PDP1: variants seen among roughly 807,000 people sequenced by gnomAD.
The protein encoded by PDP1 is pyruvate dehydrogenase phosphatase catalytic subunit 1.
A neutral mutation model predicts 37.1 loss-of-function variants in PDP1; 14 were observed. The ratio of observed to expected loss-of-function variants is 0.38; its 90% CI spans 0.25 to 0.59. PDP1 has a LOEUF of 0.59. PDP1 is among the 20% of genes least tolerant of loss of function. The probability of loss-of-function intolerance (pLI) is 0.67; values close to 1 mark genes in which losing one functional copy is unlikely to be tolerated. For missense variants in PDP1, 544 were observed against 655.3 expected, an observed-to-expected ratio of 0.83 and a Z score of 1.85; for synonymous variants, 251 against 243.3, an observed-to-expected ratio of 1.03 and a Z score of -0.29.
At chr8:93,921,273 A>T (rs1810260335) in intron 1 of PDP1, 1 of 984,270 alleles carries the variant, frequency 1.0e-6, no homozygotes. Context: ...TTCCAAGATT[A>T]TTTGGGAGTT....
rs1810390112 is a variant in PDP1, at chr8:93,924,833, G to T, written c.*1160G>T. On this transcript the variant is annotated 3_prime_UTR_variant, in exon 2 of 2. Transcript: ENST00000297598. ...AGAAACTTTAAAAGGTAACTACTGT[G>T]CATGCCTGATGCTTAATAGAATACT... The T allele has an allele frequency of 6.0e-6, 1 of 167,050 alleles. No homozygotes were observed. The highest frequency in any genetic ancestry group is 2.4e-5 in the African/African-American group (1 of 41,442). 10.3% of individuals were successfully genotyped at this position (167,050 alleles called of 1,614,324 possible).
At chr8:93,921,442 A>G (rs979648283) in intron 1 of PDP1, 5 of 431,972 alleles carry the variant, frequency 1.2e-5, no homozygotes, top group African/African-American at 1.1e-4. Context: ...AATGCATATT[A>G]CTGTAGTCAT....
rs1240116075 is a variant in PDP1 at position 93,922,790 on chromosome 8, A to T, written c.731A>T (p.Asp244Val). ...CTAATTAATGCCTTCAAGAGGCTTG[A>T]TAATGACATCTCCTTGGAGGCGCAA... The part of the protein sequence containing the change: ...EALINAFKRL[D>V]NDISLEAQVG... The change falls in exon 2 of 2, where the codon GAT becomes GTT. Residue 244 changes from aspartate (D) to valine (V), a missense_variant. By Grantham distance (152) the Asp-to-Val change is radical. Coordinates refer to ENST00000297598, the MANE Select transcript of PDP1 (RefSeq NM_018444.4). This position sits in a 1 kb window ranked among gnomAD's most constrained non-coding sequence, Gnocchi z 4.0. 1.2e-6 allele frequency: 2 copies of T among 1,614,114 alleles called. No individual in the cohort carries two copies. The highest frequency in any genetic ancestry group is 1.7e-6 in the Non-Finnish European group (2 of 1,180,052).
rs1810304419 is a variant in PDP1, at chr8:93,922,322, T to C, written c.263T>C (p.Ile88Thr). 1 of 1,614,148 alleles carries C rather than the reference T, an allele frequency of 6.2e-7. No homozygotes were observed. The highest frequency in any genetic ancestry group is 1.7e-5 in the Admixed American group (1 of 60,014). The change falls in exon 2 of 2, where the codon ATC becomes ACC. Residue 88 changes from isoleucine (I) to threonine (T), a missense_variant. Around this residue, in one of 5 missense-constraint regions of PDP1, gnomAD observed 342 missense variants for 414.0 expected, o/e 0.83. Coordinates refer to ENST00000297598, the MANE Select transcript of PDP1 (RefSeq NM_018444.4). The surrounding 1 kb of genome is among the most constrained non-coding windows in gnomAD (Gnocchi z 4.0). ...CTCACACCTCCACAAGTCAATAGCA[T>C]CCTTAAAGCTAATGAATACAGTTTC... ...FYLTPPQVNSILKANEYSFKV... is the reference protein window; with the variant it reads ...FYLTPPQVNSTLKANEYSFKV...
At position 93,923,125 on chromosome 8, in the gene PDP1, G is replaced by A. The variant is rs1362455272; in HGVS notation, c.1066G>A (p.Val356Ile). 1.9e-6 allele frequency: 3 copies of A among 1,614,224 alleles called. No homozygotes were observed. The South Asian group carries it at 3.3e-5, about 18-fold the overall frequency. The change falls in exon 2 of 2, where the codon GTA becomes ATA. Residue 356 changes from valine to isoleucine, a missense_variant. By Grantham distance (29) the Val-to-Ile change is conservative (BLOSUM62 3). This residue lies in a region of PDP1 where 5 missense variants were observed against 22.4 expected (regional missense o/e 0.22). Coordinates refer to ENST00000297598, the MANE Select transcript of PDP1 (RefSeq NM_018444.4). This position sits in a 1 kb window ranked among gnomAD's most constrained non-coding sequence, Gnocchi z 4.3. ...LLMPFRAFGD[V>I]KFKWSIDLQK... ...GATGCCATTTAGGGCATTTGGAGAT[G>A]TAAAGTTCAAATGGAGCATTGACCT... is the stretch of plus-strand genomic sequence containing the variant.
In PDP1 at chr8:93,922,629, C is replaced by G. The variant is rs764899090; in HGVS notation, c.570C>G (p.Leu190=). ...VESGRALLPI[L]QWHKHPNDYF... ...GCGGCCGGGCACTGCTACCCATTCTCCAGTGGCACAAGCACCCCAATGATT... is the reference window on the plus strand; with the variant it reads ...GCGGCCGGGCACTGCTACCCATTCTGCAGTGGCACAAGCACCCCAATGATT... The change falls in exon 2 of 2, where the codon CTC becomes CTG. Residue 190 remains leucine (L), a synonymous_variant. Transcript: ENST00000297598. The surrounding 1 kb of genome is among the most constrained non-coding windows in gnomAD (Gnocchi z 4.0). 1.9e-6 allele frequency: 3 copies of G among 1,614,142 alleles called. No homozygotes were observed. Among genetic ancestry groups the G allele is most frequent in the Non-Finnish European group, 8.5e-7 (1 of 1,180,028 alleles).
chr8:93,921,289 C>G lies in PDP1; in HGVS notation c.-44-727C>G, dbSNP rs1023065800. The G allele has an allele frequency of 3.0e-6, 3 of 984,996 alleles. No homozygotes were observed. In the African/African-American group the frequency reaches 5.2e-5, roughly 17 times the overall value. 61.0% of individuals were successfully genotyped at this position (984,996 alleles called of 1,614,324 possible). A position where few individuals can be genotyped will look rare whatever the true frequency, so the allele number is the denominator to read the frequency against. ...TCCAAGATTATTTGGGAGTTGGTGGCAGACCTATGCCCGTTAGCCTGGCAA... is the reference window on the plus strand; with the variant it reads ...TCCAAGATTATTTGGGAGTTGGTGGGAGACCTATGCCCGTTAGCCTGGCAA... On this transcript the variant is annotated intron_variant, in intron 1 of 1. Coordinates refer to ENST00000297598, the MANE Select transcript of PDP1 (RefSeq NM_018444.4).
At chr8:93,918,846 A>G (rs534166873) in intron 1 of PDP1, 1 of 152,228 alleles carries the variant, frequency 6.6e-6, no homozygotes, top group Non-Finnish European at 1.5e-5. Context: ...AAGCATTTGA[A>G]AGTACTTTGA....
intron 1 of PDP1, among the ~76,000 whole-genome samples, chr8:93,920,316 T>A (rs768322532): frequency 1.4e-3 from 210 of 152,210 alleles, no homozygotes; most frequent in Non-Finnish European, 2.5e-4. Context: ...ATGAAAATAA[T>A]ATATGGCTGA....
At chr8:93,919,499 C>G (rs1248656684) in intron 1 of PDP1, among the ~76,000 whole-genome samples, 1 of 37,806 alleles carries the variant, frequency 2.6e-5, no homozygotes, top group Non-Finnish European at 4.6e-5. Flanking sequence ...CCCTCCCTCC[C>G]CCCCCCCGGC....
rs763591084 is a variant in PDP1, at chr8:93,922,615, C to T, written c.556C>T (p.Leu186=). ...AAATGCAGTGGAGAGCGGCCGGGCA[C>T]TGCTACCCATTCTCCAGTGGCACAA... ...IENAVESGRA[L]LPILQWHKHP... is the part of the protein sequence containing the mutation. Residue 186 remains leucine, a synonymous_variant, in exon 2 of 2, where the codon CTG becomes TTG. Coordinates refer to ENST00000297598, the MANE Select transcript of PDP1 (RefSeq NM_018444.4). The surrounding 1 kb of genome is among the most constrained non-coding windows in gnomAD (Gnocchi z 4.0). The T allele has an allele frequency of 1.9e-6, 3 of 1,614,060 alleles. No homozygotes were observed. In the African/African-American group the frequency reaches 4.0e-5, roughly 22 times the overall value.
chr8:93,921,010 G>T (rs1810251493), intron 1 of PDP1: 1 of 984,010 alleles, frequency 1.0e-6, no homozygotes, highest in African/African-American at 1.8e-5. Context: ...GGTAAATTAA[G>T]TTCTAGGACT....
chr8:93,923,665 C>T lies in PDP1; in HGVS notation c.1606C>T (p.Gln536Ter). The T allele has an allele frequency of 1.2e-6, 2 of 1,611,954 alleles. No individual in the cohort carries two copies. Among genetic ancestry groups the T allele is most frequent in the Non-Finnish European group, 1.7e-6 (2 of 1,178,142 alleles). ...TCATGTTGTAGGGGCGTATCAAAAC[C>T]AAGAATAGTGAGTGGCTCTTTCACT... ...NSHVVGAYQN[Q>*]E is the part of the protein sequence containing the mutation. Residue 536 changes from glutamine (Q) to a stop codon, truncating the protein, a stop_gained, in exon 2 of 2, where the codon CAA (glutamine) becomes TAA (stop). Coordinates refer to ENST00000297598, the MANE Select transcript of PDP1 (RefSeq NM_018444.4). LOFTEE classifies it high-confidence loss of function. This position sits in a 1 kb window ranked among gnomAD's most constrained non-coding sequence, Gnocchi z 4.3.
At chr8:93,919,539 G>T (rs897053360) in intron 1 of PDP1, among the ~76,000 whole-genome samples, 2 of 127,062 alleles carry the variant, frequency 1.6e-5, no homozygotes, top group Non-Finnish European at 3.1e-5. Context: ...GGAATTTAAG[G>T]AAAGTGCAGG....
chr8:93,918,112 C>T (rs978474981), intron 1 of PDP1, among the ~76,000 whole-genome samples: 2 of 152,102 alleles, frequency 1.3e-5, no homozygotes, highest in African/African-American at 4.8e-5. Context: ...TTTGTGAGTG[C>T]AGTTTTTCAG....
rs1046457662 is a variant in PDP1, at chr8:93,925,534, T to C, written c.*1861T>C. On this transcript the variant is annotated 3_prime_UTR_variant, in exon 2 of 2. Coordinates refer to ENST00000297598, the MANE Select transcript of PDP1 (RefSeq NM_018444.4). ...AGTTTCATATACACCAAATAATGTC[T>C]CATCTCTATAGTACAGGGAATATAA... 1 of 166,852 alleles carries C rather than the reference T, an allele frequency of 6.0e-6. No homozygotes were observed. The highest frequency in any genetic ancestry group is 2.4e-5 in the African/African-American group (1 of 41,468). The allele number at this position is 166,852 out of a possible 1,614,324, so 10.3% of individuals were successfully genotyped here.
chr8:93,923,178 A>T lies in PDP1; in HGVS notation c.1119A>T (p.Pro373=). 1 of 1,614,236 alleles carries T rather than the reference A, an allele frequency of 6.2e-7. No individual in the cohort carries two copies. Among genetic ancestry groups the T allele is most frequent in the Non-Finnish European group, 8.5e-7 (1 of 1,180,034 alleles). ...AAAAGAGAGTGATAGAATCTGGCCC[A>T]GACCAGTTGAATGACAATGAATATA... ...DLQKRVIESG[P]DQLNDNEYTK... is the part of the protein sequence containing the mutation. Residue 373 remains proline, a synonymous_variant, in exon 2 of 2, where the codon CCA becomes CCT. Transcript: ENST00000297598. This position sits in a 1 kb window ranked among gnomAD's most constrained non-coding sequence, Gnocchi z 4.3.
At chr8:93,920,743 G>C (rs1453934623) in intron 1 of PDP1, 8 of 818,520 alleles carry the variant, frequency 9.8e-6, no homozygotes, top group Non-Finnish European at 1.2e-5. Flanking sequence ...TTTTTTTAAT[G>C]TGAGAGAAAA....
chr8:93,923,033 T>C lies in PDP1; in HGVS notation c.974T>C (p.Leu325Pro). 1 of 1,614,140 alleles carries C rather than the reference T, an allele frequency of 6.2e-7. No individual in the cohort carries two copies. The highest frequency in any genetic ancestry group is 8.5e-7 in the Non-Finnish European group (1 of 1,180,038). The change falls in exon 2 of 2, where the codon CTG (leucine) becomes CCG (proline). Residue 325 changes from leucine to proline, a missense_variant. By Grantham distance (98) the Leu-to-Pro change is moderately conservative (BLOSUM62 -3). Coordinates refer to ENST00000297598, the MANE Select transcript of PDP1 (RefSeq NM_018444.4). This position sits in a 1 kb window ranked among gnomAD's most constrained non-coding sequence, Gnocchi z 4.3. ...CAAAATGAAAGAGAACTAGAACGGC[T>C]GAAATTGGAACATCCAAAGAGTGAG... ...NAQNERELER[L>P]KLEHPKSEAK...
Sources: gnomAD v4.1 joint callset for allele counts (sites outside exome capture counted in the v4.1 genomes callset) on GRCh38, gnomAD v4.1.1 for gene constraint, gnomAD v4.1.1 regional missense constraint, Gnocchi (gnomAD v3.1) non-coding constraint, MANE v1.5 for transcripts, NCBI Gene and HGNC (gene_info 2026-07-23, HGNC 2026-07-21) for gene names.